The following CLTCL1 variants were observed in gnomAD, a reference collection of about 807,000 sequenced individuals.
CLTCL1 encodes clathrin heavy chain like 1.
CLTCL1 carries 159 observed loss-of-function variants against 190.0 expected under a neutral mutation model. The ratio of observed to expected loss-of-function variants is 0.84; its 90% CI spans 0.74 to 0.95. CLTCL1 has a LOEUF of 0.95. CLTCL1 is among the 40% of genes least tolerant of loss of function. CLTCL1 has a pLI of 0.00. For missense variants in CLTCL1, 1,878 were observed against 2,033.4 expected (o/e 0.92, Z 1.47); for synonymous variants, 752 against 769.6 (o/e 0.98, Z 0.38).
intron 1 of CLTCL1, among the ~76,000 whole-genome samples, chr22:19,281,551 C>T (rs2087715964): frequency 6.6e-6 from 1 of 152,232 alleles, no homozygotes; most frequent in Non-Finnish European, 1.5e-5. Flanking sequence ...TGGCAGTGAT[C>T]GGAGACGTAA....
At chr22:19,213,695 C>T (rs1044892843) in intron 19 of CLTCL1, among the ~76,000 whole-genome samples, 23 of 152,122 alleles carry the variant, frequency 1.5e-4, no homozygotes, top group Admixed American at 6.5e-5. Flanking sequence ...GAGTCTATAC[C>T]ACGTGACTCC....
intron 30 of CLTCL1, 53 bp downstream of exon 30, chr22:19,183,337 G>C: frequency 6.6e-7 from 1 of 1,508,526 alleles, no homozygotes; most frequent in Non-Finnish European, 9.1e-7. Flanking sequence ...TCACTGCCAG[G>C]GTTGGGTCAT....
chr22:19,241,792 ACTGG>A (rs1276182464), intron 4 of CLTCL1, among the ~76,000 whole-genome samples: 1 of 152,002 alleles, frequency 6.6e-6, no homozygotes, highest in Non-Finnish European at 1.5e-5. Flanking sequence ...AATAAAACCC[ACTGG>A]CTCCTGGGCA....
chr22:19,260,346 G>A (rs2086899511), intron 2 of CLTCL1, among the ~76,000 whole-genome samples: 1 of 152,194 alleles, frequency 6.6e-6, no homozygotes, highest in Non-Finnish European at 1.5e-5. Flanking sequence ...TAGGACTCAA[G>A]CAAGAGAGAA....
intron 3 of CLTCL1, among the ~76,000 whole-genome samples, chr22:19,247,512 G>A (rs1555968429): frequency 2.6e-5 from 4 of 152,072 alleles, no homozygotes. Context: ...TTGTAAAGAG[G>A]CATAATTCCC....
intron 2 of CLTCL1, among the ~76,000 whole-genome samples, chr22:19,269,808 C>T (rs1555979655): frequency 6.6e-6 from 1 of 152,036 alleles, no homozygotes; most frequent in Non-Finnish European, 1.5e-5. Flanking sequence ...AGAGAGAGAG[C>T]ATCAGGACAA....
intron 1 of CLTCL1, among the ~76,000 whole-genome samples, chr22:19,278,433 C>T (rs2087592303): frequency 6.6e-6 from 1 of 152,042 alleles, no homozygotes; most frequent in Admixed American, 6.6e-5. Context: ...CAGGACACAC[C>T]AAGGCTTAGA....
rs781832049 is a variant in CLTCL1, at chr22:19,229,889, C to G, written c.1731G>C (p.Glu577Asp). The G allele has an allele frequency of 6.2e-7, 1 of 1,611,734 alleles. No individual in the cohort carries two copies. The highest frequency in any genetic ancestry group is 8.5e-7 in the Non-Finnish European group (1 of 1,179,092). Residue 577 changes from glutamate to aspartate, a missense_variant, in exon 11 of 33, where the codon GAG (glutamate) becomes GAC (aspartate). By Grantham distance (45) the Glu-to-Asp change is conservative. Coordinates refer to ENST00000427926, the MANE Select transcript of CLTCL1 (RefSeq NM_007098.4). Reference protein sequence around the residue: ...LDALKNNRPAEGLLQTWLLEM... With the variant: ...LDALKNNRPADGLLQTWLLEM... ...CCAACAGCCATGTCTGCAGGAGTCC[C>G]TCAGCTGGGCGATTATTCTTCAAGG... is the stretch of plus-strand genomic sequence containing the variant.
At chr22:19,207,748 G>A (rs1163131520) in intron 22 of CLTCL1, 1 of 495,734 alleles carries the variant, frequency 2.0e-6, no homozygotes, top group African/African-American at 1.9e-5. Context: ...AGCAGCATTA[G>A]ATTCTCACAG....
chr22:19,201,799 T>C (rs2084895961), intron 22 of CLTCL1, among the ~76,000 whole-genome samples: 1 of 152,110 alleles, frequency 6.6e-6, no homozygotes, highest in African/African-American at 2.4e-5. Flanking sequence ...GGTGTGCTCC[T>C]TGCTGCTTCC....
chr22:19,279,361 T>C lies in CLTCL1; in HGVS notation c.43-3531A>G, dbSNP rs561664001. Among the ~76,000 whole-genome samples, 7 of 152,214 alleles carry C rather than the reference T, an allele frequency of 4.6e-5. 1 individual carries two copies. In the East Asian group the frequency reaches 1.4e-3, roughly 29 times the overall value. On this transcript the variant is annotated intron_variant, in intron 1 of 32. Transcript: ENST00000427926. ...CATATTAGCTAGGCTGGTCTCGAACTCCTGACCTCAAGTAATTTGCCTGCC... is the reference window on the plus strand; with the variant it reads ...CATATTAGCTAGGCTGGTCTCGAACCCCTGACCTCAAGTAATTTGCCTGCC...
intron 3 of CLTCL1, among the ~76,000 whole-genome samples, chr22:19,250,162 G>A (rs2086547173): frequency 6.6e-6 from 1 of 152,020 alleles, no homozygotes; most frequent in Non-Finnish European, 1.5e-5. Flanking sequence ...GCTGAGGCAG[G>A]AGAATCACTT....
intron 2 of CLTCL1, among the ~76,000 whole-genome samples, chr22:19,254,777 G>A (rs1363983911): frequency 6.6e-6 from 1 of 152,162 alleles, no homozygotes; most frequent in Non-Finnish European, 1.5e-5. Flanking sequence ...CACTTAAGAT[G>A]TATCTAGCAA....
At chr22:19,262,690 A>C (rs1293339334) in intron 2 of CLTCL1, among the ~76,000 whole-genome samples, 1 of 151,424 alleles carries the variant, frequency 6.6e-6, no homozygotes, top group Non-Finnish European at 1.5e-5. Flanking sequence ...CACTGTGATC[A>C]ATCAGCAGCC....
intron 3 of CLTCL1, chr22:19,249,851 T>C (rs1282215368): frequency 4.4e-4 from 178 of 404,188 alleles, no homozygotes; most frequent in East Asian, 9.4e-4. Flanking sequence ...CAAAGCTGAT[T>C]TTGAAACTTA....
intron 13 of CLTCL1, among the ~76,000 whole-genome samples, chr22:19,224,945 C>T (rs2085692439): frequency 6.6e-6 from 1 of 152,188 alleles, no homozygotes; most frequent in African/African-American, 2.4e-5. Context: ...CCCAACTGCC[C>T]TAGAACACTT....
intron 11 of CLTCL1, among the ~76,000 whole-genome samples, chr22:19,228,564 A>AC (rs1555957287): frequency 6.6e-6 from 1 of 152,202 alleles, no homozygotes; most frequent in Non-Finnish European, 1.5e-5. Flanking sequence ...TTGGAATATG[A>AC]CCCACTTCTT....
chr22:19,245,442 T>C (rs1316985047), intron 3 of CLTCL1, among the ~76,000 whole-genome samples: 9 of 152,090 alleles, frequency 5.9e-5, no homozygotes, highest in Admixed American at 2.6e-4. Context: ...TCTGTCCACC[T>C]TGGCTTCCCA....
At position 19,229,873 on chromosome 22, in the gene CLTCL1, A is replaced by G. The variant is rs1555957935; in HGVS notation, c.1747T>C (p.Trp583Arg). 2 of 1,611,868 alleles carry G rather than the reference A, an allele frequency of 1.2e-6. No homozygotes were observed. Among genetic ancestry groups the G allele is most frequent in the Admixed American group, 3.3e-5 (2 of 59,718 alleles). Residue 583 changes from tryptophan to arginine, a missense_variant, in exon 11 of 33, where the codon TGG (tryptophan) becomes CGG (arginine). Physicochemically the swap from Trp to Arg is moderately radical, Grantham distance 101. Coordinates refer to ENST00000427926, the MANE Select transcript of CLTCL1 (RefSeq NM_007098.4). ...TGAACAAGGTTCATCTCCAACAGCC[A>G]TGTCTGCAGGAGTCCCTCAGCTGGG... ...NRPAEGLLQT[W>R]LLEMNLVHAP...
Sources: allele counts gnomAD v4.1 joint callset (sites outside exome capture counted in the v4.1 genomes callset), GRCh38; gene constraint gnomAD v4.1.1; transcripts MANE v1.5; gene names NCBI Gene and HGNC (gene_info 2026-07-23, HGNC 2026-07-21).